NAALADL2: variants seen among roughly 807,000 people sequenced by gnomAD.
The protein encoded by NAALADL2 is N-acetylated alpha-linked acidic dipeptidase like 2, also known as inactive N-acetylated-alpha-linked acidic dipeptidase-like protein 2.
Under a neutral mutation model 87.2 loss-of-function variants are expected in NAALADL2, and 76 were observed. The ratio of observed to expected loss-of-function variants is 0.87; its 90% CI spans 0.72 to 1.05. The LOEUF (loss-of-function observed/expected upper bound fraction) is 1.05. Ranked by LOEUF, NAALADL2 falls within the 50% of genes least tolerant of loss-of-function variation. NAALADL2 has a pLI of 0.00. For synonymous variants in NAALADL2, 354 were observed against 331.0 expected (o/e 1.07, Z -0.75); for missense variants, 1,089 against 945.8 (o/e 1.15, Z -1.99).
At chr3:175,020,134 C>A (rs546800256) in intron 1 of NAALADL2, among the ~76,000 whole-genome samples, 2 of 152,130 alleles carry the variant, frequency 1.3e-5, no homozygotes, top group Non-Finnish European at 2.9e-5. Context: ...TGTTCAGGGA[C>A]CTCTTTCTGC....
At chr3:175,134,962 G>C (rs1322826638) in intron 2 of NAALADL2, among the ~76,000 whole-genome samples, 1 of 152,122 alleles carries the variant, frequency 6.6e-6, no homozygotes, top group Non-Finnish European at 1.5e-5. Context: ...TCCACATAGA[G>C]TGAAAACATA....
chr3:175,398,580 C>T (rs1770145749), intron 5 of NAALADL2, among the ~76,000 whole-genome samples: 1 of 151,846 alleles, frequency 6.6e-6, no homozygotes. Context: ...GATATCTTTT[C>T]AGAAAAGGAA....
At chr3:174,454,237 C>G (rs1305110542) in intron 1 of NAALADL2, among the ~76,000 whole-genome samples, 2 of 152,146 alleles carry the variant, frequency 1.3e-5, no homozygotes, top group Non-Finnish European at 2.9e-5. Flanking sequence ...TACCCAGATT[C>G]ATAAAGCAAA....
intron 11 of NAALADL2, among the ~76,000 whole-genome samples, chr3:175,684,825 T>A (rs1282791902): frequency 6.6e-6 from 1 of 152,090 alleles, no homozygotes; most frequent in Non-Finnish European, 1.5e-5. Context: ...TGTTTAAAGA[T>A]CCATATTAAA....
At chr3:174,485,778 G>T (rs1717816775) in intron 1 of NAALADL2, among the ~76,000 whole-genome samples, 1 of 151,916 alleles carries the variant, frequency 6.6e-6, no homozygotes, top group African/African-American at 2.4e-5. Context: ...ATGTGTTCAT[G>T]AAATAATGCT....
In NAALADL2 at chr3:175,539,616, A is replaced by AGTT. The variant is rs1349197912; in HGVS notation, c.1654-36419_1654-36417dup. Among the ~76,000 whole-genome samples, 8 of 13,030 alleles carry AGTT rather than the reference A, an allele frequency of 6.1e-4. No individual in the cohort carries two copies. The East Asian group carries it at 0.068, about 110-fold the overall frequency. The allele number at this position is 13,030 out of a possible 152,430, so 8.5% of individuals were successfully genotyped here. On this transcript the variant is annotated intron_variant, in intron 9 of 13. Transcript: ENST00000454872. ...ACCCAGGTACTAAGCATAGTACCAC[A>AGTT]GTTGTTGTCGTTGTTCTGAACCTCT...
At position 175,807,990 on chromosome 3, in the gene NAALADL2, G is replaced by A. The variant is rs541021741; in HGVS notation, c.*4787G>A. On this transcript the variant is annotated 3_prime_UTR_variant, in exon 14 of 14. Transcript: ENST00000454872. ...TCTGGTCATTACCATGTCTACTCAA[G>A]TTTCTGTTTTCTAGGTACACTCTAG... 1 of 151,894 alleles carries A rather than the reference G, an allele frequency of 6.6e-6. No homozygotes were observed. The highest frequency in any genetic ancestry group is 1.5e-5 in the Non-Finnish European group (1 of 67,908). The allele number at this position is 151,894 out of a possible 1,614,324, so 9.4% of individuals were successfully genotyped here. A position where few individuals can be genotyped will look rare whatever the true frequency, so the allele number is the denominator to read the frequency against.
At chr3:175,467,535 T>A (rs1724265856) in intron 8 of NAALADL2, among the ~76,000 whole-genome samples, 1 of 152,230 alleles carries the variant, frequency 6.6e-6, no homozygotes. Flanking sequence ...TTTTCTACAC[T>A]TTCTAGGAAT....
chr3:175,359,305 T>G (rs1764719855), intron 5 of NAALADL2, among the ~76,000 whole-genome samples: 1 of 152,112 alleles, frequency 6.6e-6, no homozygotes. Flanking sequence ...ACACTTTTTT[T>G]GCAAAGGACA....
intron 1 of NAALADL2, among the ~76,000 whole-genome samples, chr3:175,074,237 G>C (rs902250958): frequency 6.6e-6 from 1 of 152,044 alleles, no homozygotes; most frequent in Admixed American, 6.6e-5. Context: ...ACTAACCTTT[G>C]TTTAACTTTT....
chr3:174,502,237 G>T (rs574957573), intron 1 of NAALADL2, among the ~76,000 whole-genome samples: 14 of 152,258 alleles, frequency 9.2e-5, no homozygotes, highest in African/African-American at 3.1e-4. Context: ...GATTTGCAAA[G>T]TATACATTTT....
intron 11 of NAALADL2, among the ~76,000 whole-genome samples, chr3:175,654,603 G>A (rs1036682881): frequency 5.9e-5 from 9 of 152,132 alleles, no homozygotes; most frequent in African/African-American, 1.9e-4. Flanking sequence ...AAGATAAAAA[G>A]GTATTTCACA....
chr3:175,130,478 C>A (rs1026934762), intron 2 of NAALADL2, among the ~76,000 whole-genome samples: 8 of 152,170 alleles, frequency 5.3e-5, no homozygotes, highest in Non-Finnish European at 4.4e-5. Flanking sequence ...GATTTCAGGT[C>A]TTACCTCGAA....
At chr3:175,637,586 C>T (rs960038866) in intron 11 of NAALADL2, among the ~76,000 whole-genome samples, 2 of 152,044 alleles carry the variant, frequency 1.3e-5, no homozygotes, top group Non-Finnish European at 2.9e-5. Context: ...CTCCCCAGTC[C>T]CCTCTTGCTC....
intron 9 of NAALADL2, among the ~76,000 whole-genome samples, chr3:175,571,850 C>A (rs955611397): frequency 6.6e-6 from 1 of 152,112 alleles, no homozygotes; most frequent in South Asian, 2.1e-4. Context: ...GTTATCTGGG[C>A]AAATTGGGTT....
At chr3:175,748,206 T>C (rs184274904) in intron 12 of NAALADL2, among the ~76,000 whole-genome samples, 1 of 152,314 alleles carries the variant, frequency 6.6e-6, no homozygotes, top group East Asian at 1.9e-4. Context: ...GCAATCGCTC[T>C]CACATTTTTT....
At chr3:175,660,280 CTT>C (rs1473188969) in intron 11 of NAALADL2, among the ~76,000 whole-genome samples, 3 of 152,138 alleles carry the variant, frequency 2.0e-5, no homozygotes, top group Non-Finnish European at 4.4e-5. Flanking sequence ...TTAAGATAAA[CTT>C]GAACTATTCA....
At chr3:174,754,133 C>G (rs1400195224) in intron 3 of NAALADL2, among the ~76,000 whole-genome samples, 1 of 152,166 alleles carries the variant, frequency 6.6e-6, no homozygotes, top group East Asian at 1.9e-4. Context: ...GAAGCCTCTG[C>G]TAACTGTTAC....
chr3:174,461,603 A>T (rs1716219302), intron 1 of NAALADL2, among the ~76,000 whole-genome samples: 1 of 152,078 alleles, frequency 6.6e-6, no homozygotes, highest in Non-Finnish European at 1.5e-5. Context: ...CCTTTTGTCA[A>T]CATTCGTTTT....
Sources: allele counts gnomAD v4.1 joint callset (sites outside exome capture counted in the v4.1 genomes callset), GRCh38; gene constraint gnomAD v4.1.1; transcripts MANE v1.5; gene names NCBI Gene and HGNC (gene_info 2026-07-23, HGNC 2026-07-21).